DMBT1: variants seen among roughly 807,000 people sequenced by gnomAD.
DMBT1 encodes the protein deleted in malignant brain tumors 1.
In DMBT1, 198 loss-of-function variants were observed where a neutral mutation model predicts 252.9. That is an observed-to-expected ratio of 0.78 (90% CI 0.70 to 0.88). The LOEUF (loss-of-function observed/expected upper bound fraction) is 0.88. DMBT1 is among the 40% of genes least tolerant of loss of function. DMBT1 has a pLI of 0.00. For synonymous variants in DMBT1, 990 were observed against 942.7 expected, an observed-to-expected ratio of 1.05 and a Z score of -0.92; for missense variants, 2,432 against 2,404.7, an observed-to-expected ratio of 1.01 and a Z score of -0.24.
intron 25 of DMBT1, 103 bp downstream of exon 25, chr10:122,598,115 T>C (rs2097901631): frequency 1.0e-5 from 16 of 1,544,182 alleles, no homozygotes; most frequent in Non-Finnish European, 1.3e-5. Flanking sequence ...CCCTCTCTTT[T>C]TCATGTCCCT....
chr10:122,572,453 A>G (rs2097673490), intron 5 of DMBT1, 92 bp downstream of exon 5: 1 of 1,545,020 alleles, frequency 6.5e-7, no homozygotes, highest in African/African-American at 1.4e-5. Flanking sequence ...GAGGACATAG[A>G]AAGTAGTGTG....
At chr10:122,589,330 T>C in intron 17 of DMBT1, 63 bp downstream of exon 17, 1 of 1,578,354 alleles carries the variant, frequency 6.3e-7, no homozygotes, top group Non-Finnish European at 8.6e-7. Flanking sequence ...AGAGAGGTCT[T>C]ATGTTCTAAT....
intron 6 of DMBT1, among the ~76,000 whole-genome samples, chr10:122,574,947 G>A (rs1337877098): frequency 6.6e-6 from 1 of 152,202 alleles, no homozygotes; most frequent in East Asian, 1.9e-4. Flanking sequence ...GGAGAGCTCA[G>A]ACAGAAGCTG....
intron 5 of DMBT1, among the ~76,000 whole-genome samples, 162 bp from the exon 6 acceptor site, chr10:122,573,553 A>C (rs1310773897): frequency 6.6e-6 from 1 of 152,216 alleles, no homozygotes; most frequent in Non-Finnish European, 1.5e-5. Context: ...GTCTGGGGCC[A>C]GTACAATGAC....
At chr10:122,577,780 G>C in intron 7 of DMBT1, 31 bp from the exon 8 acceptor site, 1 of 1,613,204 alleles carries the variant, frequency 6.2e-7, no homozygotes, top group Non-Finnish European at 8.5e-7. Flanking sequence ...CTGAGTGTTT[G>C]GTGTCTAATG....
In DMBT1 at chr10:122,643,321, T is replaced by C. The variant is rs1168150049; in HGVS notation, c.7552T>C (p.Tyr2518His). The change falls in exon 56 of 56, where the codon TAC (tyrosine) becomes CAC (histidine). Residue 2518 changes from tyrosine to histidine, a missense_variant. Coordinates refer to ENST00000338354, the MANE Select transcript of DMBT1 (RefSeq NM_001377530.1). ...VLRSKRDVGS[Y>H]QEKVDVVLGP... ...GAGGTCGAAGAGGGATGTGGGCTCCTACCAGGAAAAGGTGGACGTCGTCCT... is the reference window on the plus strand; with the variant it reads ...GAGGTCGAAGAGGGATGTGGGCTCCCACCAGGAAAAGGTGGACGTCGTCCT... 6.2e-7 allele frequency: 1 copy of C among 1,613,958 alleles called. No homozygotes were observed. Among genetic ancestry groups the C allele is most frequent in the Non-Finnish European group, 8.5e-7 (1 of 1,179,866 alleles).
At chr10:122,570,138 A>G (rs752144966) in intron 2 of DMBT1, 24 bp from the exon 3 acceptor site, 1 of 1,583,444 alleles carries the variant, frequency 6.3e-7, no homozygotes, top group Non-Finnish European at 8.7e-7. Flanking sequence ...ACCATCAATG[A>G]GCTCTTCCTT....
At chr10:122,577,786 T>G (rs779730149) in intron 7 of DMBT1, 25 bp from the exon 8 acceptor site, 4 of 1,613,450 alleles carry the variant, frequency 2.5e-6, no homozygotes, top group Non-Finnish European at 2.5e-6. Flanking sequence ...GTTTGGTGTC[T>G]AATGTTGCTA....
At position 122,565,949 on chromosome 10, in the gene DMBT1, A is replaced by C. The variant is rs2097586165; in HGVS notation, c.62-18A>C. ...ATTTCTAAACAGTGTTTCTAAGACG[A>C]ATTTGTGTTCTTTCCAGGTGGGTGG... On this transcript the variant is annotated intron_variant, in intron 1 of 55. Coordinates refer to ENST00000338354, the MANE Select transcript of DMBT1 (RefSeq NM_001377530.1). 3 of 1,613,598 alleles carry C rather than the reference A, an allele frequency of 1.9e-6. No individual in the cohort carries two copies. The highest frequency in any genetic ancestry group is 1.3e-5 in the African/African-American group (1 of 75,042).
Position 122,589,048 on chromosome 10 carries a change from A to T in DMBT1, c.1888A>T (p.Ser630Cys), listed in dbSNP as rs2097822402. ...RGSWGTVCDD[S>C]WDTNDANVVC... ...CTCTTGGGGCACCGTGTGTGATGAC[A>T]GCTGGGACACCAATGATGCCAATGT... Residue 630 changes from serine to cysteine, a missense_variant, in exon 17 of 56, where the codon AGC (serine) becomes TGC (cysteine). By Grantham distance (112) the Ser-to-Cys change is moderately radical. Transcript: ENST00000338354. 1.9e-6 allele frequency: 3 copies of T among 1,588,894 alleles called. No individual in the cohort carries two copies. The highest frequency in any genetic ancestry group is 2.6e-6 in the Non-Finnish European group (3 of 1,165,956).
At chr10:122,586,601 C>T (rs2133570720) in intron 16 of DMBT1, among the ~76,000 whole-genome samples, 1 of 148,472 alleles carries the variant, frequency 6.7e-6, no homozygotes, top group Admixed American at 6.7e-5. Flanking sequence ...AAGGGTCACA[C>T]CTTTGTTCCC....
chr10:122,626,385 A>G (rs1331174124), intron 46 of DMBT1, among the ~76,000 whole-genome samples: 1 of 152,222 alleles, frequency 6.6e-6, no homozygotes, highest in Non-Finnish European at 1.5e-5. Flanking sequence ...TCTATTATAC[A>G]GATATGCCAT....
At chr10:122,634,446 CTCTCTCTCTCTCT>C (rs2098205050) in intron 52 of DMBT1, among the ~76,000 whole-genome samples, 2 of 73,748 alleles carry the variant, frequency 2.7e-5, no homozygotes, top group African/African-American at 1.6e-4. Context: ...CTCTCTCTCT[CTCTCTCTCTCTCT>C]CTCTCTCTCT....
chr10:122,576,292 T>C (rs2097711205), intron 6 of DMBT1, 107 bp from the exon 7 acceptor site: 1 of 1,464,186 alleles, frequency 6.8e-7, no homozygotes, highest in Admixed American at 2.1e-5. Flanking sequence ...CAATTAGAGA[T>C]TCTCTCAAAG....
chr10:122,585,994 GGAACATTCCTTA>G, intron 15 of DMBT1, 54 bp from the exon 16 acceptor site: 1 of 1,582,740 alleles, frequency 6.3e-7, no homozygotes. Flanking sequence ...CCTTGAGTGT[GGAACATTCCTTA>G]GATTCTTGAC....
chr10:122,592,217 T>A lies in DMBT1; in HGVS notation c.2177-55T>A, dbSNP rs1206822734. 2.5e-6 allele frequency: 4 copies of A among 1,574,436 alleles called. 1 individual carries two copies. In the Admixed American group the frequency reaches 6.8e-5, roughly 27 times the overall value. On this transcript the variant is annotated intron_variant, in intron 19 of 55. Transcript: ENST00000338354. ...AAGTACCCTGAGTGTGGAACGTGCC[T>A]TAGATCCTTACCTCATGGTAGGGAT... is the stretch of plus-strand genomic sequence containing the variant.
At position 122,637,245 on chromosome 10, in the gene DMBT1, G is replaced by A. The variant is rs374290451; in HGVS notation, c.6875G>A (p.Arg2292Gln). The A allele has an allele frequency of 2.3e-5, 37 of 1,613,910 alleles. No homozygotes were observed. The highest frequency in any genetic ancestry group is 5.5e-5 in the South Asian group (5 of 91,066). Residue 2292 changes from arginine (R) to glutamine (Q), a missense_variant, in exon 54 of 56, where the codon CGG (arginine) becomes CAG (glutamine). This residue lies in a region of DMBT1 where 1,162 missense variants were observed against 1,169.0 expected (regional missense o/e 0.99). Transcript: ENST00000338354. Reference sequence around the variant, plus strand: ...ACCTGGAATGGATACTACGAGTGTCGGCCCCAGATAACGCCGAACCTGGTG... The same window carrying A: ...ACCTGGAATGGATACTACGAGTGTCAGCCCCAGATAACGCCGAACCTGGTG... Reference protein sequence around the residue: ...ISTWNGYYECRPQITPNLVIF... With the variant: ...ISTWNGYYECQPQITPNLVIF...
chr10:122,588,538 C>T (rs1349566606), intron 16 of DMBT1, among the ~76,000 whole-genome samples: 2 of 149,320 alleles, frequency 1.3e-5, no homozygotes, highest in African/African-American at 4.8e-5. Context: ...GTCCCTGCAG[C>T]TGTCTGGCCA....
At chr10:122,585,472 C>T (rs112420876) in intron 15 of DMBT1, among the ~76,000 whole-genome samples, 163 bp downstream of exon 15, 16 of 147,794 alleles carry the variant, frequency 1.1e-4, no homozygotes, top group African/African-American at 3.9e-4. Context: ...AGCTGTGGGT[C>T]TGATGTTGGA....
Sources: allele counts gnomAD v4.1 joint callset (sites outside exome capture counted in the v4.1 genomes callset), GRCh38; gene constraint gnomAD v4.1.1; regional missense constraint gnomAD v4.1.1; transcripts MANE v1.5; gene names NCBI Gene and HGNC (gene_info 2026-07-23, HGNC 2026-07-21).